DPP10: variants seen among roughly 807,000 people sequenced by gnomAD.
DPP10 encodes the protein dipeptidyl peptidase like 10.
DPP10 carries 33 observed loss-of-function variants against 120.9 expected under a neutral mutation model. The observed-to-expected ratio is 0.27, with a 90% confidence interval of 0.21 to 0.37. The LOEUF is 0.37. DPP10 is among the 10% of genes least tolerant of loss of function. DPP10 has a pLI of 1.00. For missense variants in DPP10, 816 were observed against 942.8 expected (o/e 0.87, Z 1.76); for synonymous variants, 337 against 326.1 (o/e 1.03, Z -0.36).
chr2:114,777,559 C>T (rs1424420753), intron 1 of DPP10, among the ~76,000 whole-genome samples: 1 of 151,954 alleles, frequency 6.6e-6, no homozygotes, highest in East Asian at 1.9e-4. Context: ...GAAGTTTGAC[C>T]AAATGCAAAT....
chr2:115,507,604 G>A (rs2077014563), intron 4 of DPP10, among the ~76,000 whole-genome samples: 1 of 152,122 alleles, frequency 6.6e-6, no homozygotes, highest in Admixed American at 6.6e-5. Flanking sequence ...AAATATGTAA[G>A]TGGTGGACAT....
At chr2:115,585,911 G>A (rs958283525) in intron 5 of DPP10, among the ~76,000 whole-genome samples, 2 of 152,084 alleles carry the variant, frequency 1.3e-5, no homozygotes, top group African/African-American at 4.8e-5. Flanking sequence ...AATGTATAAA[G>A]ATACCTTTAA....
chr2:115,308,299 A>G (rs568675756), intron 1 of DPP10, among the ~76,000 whole-genome samples: 2 of 152,156 alleles, frequency 1.3e-5, no homozygotes, highest in East Asian at 1.9e-4. Flanking sequence ...ATATCTTCAT[A>G]TTTTGTTTCA....
intron 4 of DPP10, among the ~76,000 whole-genome samples, chr2:115,515,169 A>G (rs1272355698): frequency 6.6e-6 from 1 of 151,998 alleles, no homozygotes; most frequent in South Asian, 2.1e-4. Flanking sequence ...CTATTACATT[A>G]CTGCTCCAAA....
chr2:115,625,576 A>G (rs1183742876), intron 5 of DPP10, among the ~76,000 whole-genome samples: 1 of 152,162 alleles, frequency 6.6e-6, no homozygotes, highest in Non-Finnish European at 1.5e-5. Context: ...TAAGACATTA[A>G]GAATAGCCAT....
At chr2:114,796,126 G>A (rs780273402) in intron 1 of DPP10, among the ~76,000 whole-genome samples, 2 of 152,086 alleles carry the variant, frequency 1.3e-5, no homozygotes, top group African/African-American at 2.4e-5. Context: ...AGTAAAAAGC[G>A]ATCTCTCACG....
intron 21 of DPP10, among the ~76,000 whole-genome samples, chr2:115,817,507 C>G (rs1559196230): frequency 6.6e-6 from 1 of 152,130 alleles, no homozygotes; most frequent in Non-Finnish European, 1.5e-5. Context: ...TCACGACCAT[C>G]CTCTCTCCAC....
intron 21 of DPP10, among the ~76,000 whole-genome samples, chr2:115,822,589 A>G (rs1687918198): frequency 6.6e-6 from 1 of 151,970 alleles, no homozygotes; most frequent in Non-Finnish European, 1.5e-5. Flanking sequence ...ATATTTTTAA[A>G]AGATAATTTT....
chr2:115,560,621 T>A (rs2080585519), intron 5 of DPP10, among the ~76,000 whole-genome samples: 1 of 150,578 alleles, frequency 6.6e-6, no homozygotes, highest in Non-Finnish European at 1.5e-5. Flanking sequence ...TCAGAAATTT[T>A]TTTTTTATTC....
intron 1 of DPP10, among the ~76,000 whole-genome samples, chr2:115,165,097 A>G (rs1171815619): frequency 2.0e-5 from 3 of 152,264 alleles, no homozygotes; most frequent in Non-Finnish European, 1.5e-5. Context: ...GAAAGAGCTA[A>G]GAACTCTAGT....
intron 1 of DPP10, among the ~76,000 whole-genome samples, chr2:114,720,427 A>G (rs2105902821): frequency 6.6e-6 from 1 of 152,350 alleles, no homozygotes; most frequent in African/African-American, 2.4e-5. Context: ...TAAAGATATC[A>G]TCCCCCAGAA....
chr2:115,056,444 T>A (rs955674476), intron 1 of DPP10, among the ~76,000 whole-genome samples: 1 of 152,098 alleles, frequency 6.6e-6, no homozygotes, highest in East Asian at 1.9e-4. Context: ...AATGGCACCA[T>A]CATAGCCTGG....
At chr2:115,480,177 G>T (rs775909898) in intron 3 of DPP10, among the ~76,000 whole-genome samples, 1 of 151,968 alleles carries the variant, frequency 6.6e-6, no homozygotes. Flanking sequence ...TGGCTCCCCC[G>T]TTCTCTTAAT....
At chr2:115,727,685 C>G in intron 7 of DPP10, 131 bp from the exon 8 acceptor site, 1 of 992,654 alleles carries the variant, frequency 1.0e-6, no homozygotes, top group Non-Finnish European at 1.4e-6. Context: ...AAACATATGC[C>G]TTGAATAAAA....
Position 115,244,208 on chromosome 2 carries a change from A to ATG in DPP10, c.61-65023_61-65022dup, listed in dbSNP as rs1239393772. Among the ~76,000 whole-genome samples the ATG allele has an allele frequency of 2.4e-3, 329 of 138,286 alleles. 1 individual carries two copies. The highest frequency in any genetic ancestry group is 7.4e-3 in the Middle Eastern group (2 of 272). The allele number at this position is 138,286 out of a possible 152,430, so 90.7% of individuals were successfully genotyped here. A position where few individuals can be genotyped will look rare whatever the true frequency, so the allele number is the denominator to read the frequency against. ...GCAGTCTCAGTGTCTATATATATAT[A>ATG]TGTGTGTGTATATATATATATATAT... On this transcript the variant is annotated intron_variant, in intron 1 of 25. Coordinates refer to ENST00000410059, the MANE Select transcript of DPP10 (RefSeq NM_020868.6).
chr2:115,495,902 G>C (rs1323055155), intron 3 of DPP10, among the ~76,000 whole-genome samples: 1 of 152,116 alleles, frequency 6.6e-6, no homozygotes, highest in East Asian at 1.9e-4. Context: ...GATATGCATA[G>C]TGCCATGCTT....
At chr2:115,106,813 C>A (rs747038036) in intron 1 of DPP10, among the ~76,000 whole-genome samples, 16 of 152,104 alleles carry the variant, frequency 1.1e-4, no homozygotes, top group Non-Finnish European at 2.1e-4. Flanking sequence ...CGGTGGCTCA[C>A]GCCTGTGATC....
chr2:115,699,187 A>T (rs2091772536), intron 7 of DPP10, among the ~76,000 whole-genome samples: 1 of 152,168 alleles, frequency 6.6e-6, no homozygotes, highest in Non-Finnish European at 1.5e-5. Flanking sequence ...AAATGAAGAT[A>T]GTACCAAAAA....
At chr2:115,345,245 A>G (rs2063653775) in intron 3 of DPP10, among the ~76,000 whole-genome samples, 1 of 152,172 alleles carries the variant, frequency 6.6e-6, no homozygotes, top group Non-Finnish European at 1.5e-5. Context: ...ATGAATCTGT[A>G]TATTTTTATT....
Sources: allele counts gnomAD v4.1 joint callset (sites outside exome capture counted in the v4.1 genomes callset), GRCh38; gene constraint gnomAD v4.1.1; transcripts MANE v1.5; gene names NCBI Gene and HGNC (gene_info 2026-07-23, HGNC 2026-07-21).